Variants in OSBPL3 observed in about 807,000 individuals in gnomAD.
The protein encoded by OSBPL3 is oxysterol binding protein like 3, also known as oxysterol-binding protein-related protein 3.
In OSBPL3, 65 loss-of-function variants were observed where a neutral mutation model predicts 120.1. The ratio of observed to expected loss-of-function variants is 0.54; its 90% confidence interval spans 0.44 to 0.67. The LOEUF (loss-of-function observed/expected upper bound fraction) is 0.67. Among genes scored for constraint, OSBPL3 ranks in the 30% least tolerant of loss-of-function variants. OSBPL3 has a pLI of 0.00. For missense variants in OSBPL3, 1,004 were observed against 1,082.1 expected, an observed-to-expected ratio of 0.93 and a Z score of 1.01; for synonymous variants, 416 against 402.6, an observed-to-expected ratio of 1.03 and a Z score of -0.40.
chr7:24,935,951 T>C (rs978297419), intron 1 of OSBPL3, among the ~76,000 whole-genome samples: 11 of 152,116 alleles, frequency 7.2e-5, no homozygotes, highest in Non-Finnish European at 1.0e-4. Context: ...GTTACATATG[T>C]ATACATGTGC....
rs1376115444 is a variant in OSBPL3, at chr7:24,932,988, C to T, written c.-149-40367G>A. 6.6e-6 allele frequency among the ~76,000 whole-genome samples: 1 copy of T among 152,242 alleles called. No individual in the cohort carries two copies. Among genetic ancestry groups the T allele is most frequent in the Non-Finnish European group, 1.5e-5 (1 of 68,046 alleles). On this transcript the variant is annotated intron_variant, in intron 1 of 22. Coordinates refer to ENST00000313367, the MANE Select transcript of OSBPL3 (RefSeq NM_015550.4). The surrounding 1 kb of genome is among the most constrained non-coding windows in gnomAD (Gnocchi z 5.6). ...ACCGTCTTTCCTCCATATTCAAATTCCACACCGGACCTGATGCTGCTGCAC... is the reference window on the plus strand; with the variant it reads ...ACCGTCTTTCCTCCATATTCAAATTTCACACCGGACCTGATGCTGCTGCAC...
intron 1 of OSBPL3, among the ~76,000 whole-genome samples, chr7:24,944,959 T>C (rs938577793): frequency 1.3e-5 from 2 of 152,192 alleles, no homozygotes; most frequent in African/African-American, 2.4e-5. Context: ...ATAGATTCCA[T>C]GACTAGATTT....
rs1189103853 is a variant in OSBPL3, at chr7:24,877,332, G to A, written c.97-5263C>T. ...AGATAGCTACTGTTTTCCCTATACTGTAATCCCACCAAACAGGGAAGGGAA... is the reference window on the plus strand; with the variant it reads ...AGATAGCTACTGTTTTCCCTATACTATAATCCCACCAAACAGGGAAGGGAA... On this transcript the variant is annotated intron_variant, in intron 2 of 22. Coordinates refer to ENST00000313367, the MANE Select transcript of OSBPL3 (RefSeq NM_015550.4). This position sits in a 1 kb window ranked among gnomAD's most constrained non-coding sequence, Gnocchi z 4.8. Among the ~76,000 whole-genome samples, 1 of 152,156 alleles carries A rather than the reference G, an allele frequency of 6.6e-6. No homozygotes were observed. Among genetic ancestry groups the A allele is most frequent in the East Asian group, 1.9e-4 (1 of 5,202 alleles).
intron 1 of OSBPL3, among the ~76,000 whole-genome samples, chr7:24,969,785 C>T (rs1347700202): frequency 6.6e-6 from 1 of 152,152 alleles, no homozygotes; most frequent in African/African-American, 2.4e-5. Context: ...CATCCCAGTT[C>T]AGGTCTCATC....
At chr7:24,931,853 A>C (rs994108318) in intron 1 of OSBPL3, among the ~76,000 whole-genome samples, 1 of 152,252 alleles carries the variant, frequency 6.6e-6, no homozygotes, top group Non-Finnish European at 1.5e-5. Flanking sequence ...TGCATCAACA[A>C]GACTGATACT....
At chr7:24,866,925 C>T (rs796259919) in intron 5 of OSBPL3, among the ~76,000 whole-genome samples, 3 of 152,130 alleles carry the variant, frequency 2.0e-5, no homozygotes, top group East Asian at 1.9e-4. Context: ...CTCAACCTCC[C>T]GAGTAGCTGG....
At chr7:24,878,055 G>C (rs1225096024) in intron 2 of OSBPL3, among the ~76,000 whole-genome samples, 1 of 152,210 alleles carries the variant, frequency 6.6e-6, no homozygotes, top group African/African-American at 2.4e-5. Flanking sequence ...CTGTTTTACT[G>C]AATGTCTGAA....
chr7:24,942,190 A>C (rs1813181721), intron 1 of OSBPL3, among the ~76,000 whole-genome samples: 2 of 152,170 alleles, frequency 1.3e-5, no homozygotes, highest in Non-Finnish European at 2.9e-5. Flanking sequence ...CTTTATAAGA[A>C]AACAAACGGG....
chr7:24,838,744 C>G (rs1457678821), intron 14 of OSBPL3, among the ~76,000 whole-genome samples: 1 of 152,224 alleles, frequency 6.6e-6, no homozygotes, highest in African/African-American at 2.4e-5. Context: ...TCCTCCTCAT[C>G]TACAGTGGGA....
In OSBPL3 at chr7:24,817,154, A is replaced by G. The variant is rs563774170; in HGVS notation, c.1949-466T>C. The stretch of plus-strand genomic sequence containing the variant: ...TTGTCTGAGGGGACGGAAGTATAGG[A>G]AAACACAGTCAAATAGTGTGGTTCT... On this transcript the variant is annotated intron_variant, in intron 17 of 22. Transcript: ENST00000313367. This position sits in a 1 kb window ranked among gnomAD's most constrained non-coding sequence, Gnocchi z 4.0. Among the ~76,000 whole-genome samples the G allele has an allele frequency of 6.6e-6, 1 of 152,322 alleles. No individual in the cohort carries two copies. Among genetic ancestry groups the G allele is most frequent in the African/African-American group, 2.4e-5 (1 of 41,566 alleles).
chr7:24,839,414 C>T lies in OSBPL3; in HGVS notation c.1495+1276G>A, dbSNP rs115015387. On this transcript the variant is annotated intron_variant, in intron 14 of 22. Transcript: ENST00000313367. ...CAGACACTCCAGATATTCCACAGTTCGAACTAGCATTATGAAATATCTTTC... is the reference window on the plus strand; with the variant it reads ...CAGACACTCCAGATATTCCACAGTTTGAACTAGCATTATGAAATATCTTTC... 3.7e-3 allele frequency among the ~76,000 whole-genome samples: 562 copies of T among 152,278 alleles called. 4 individuals are homozygous for T. Among genetic ancestry groups the T allele is most frequent in the African/African-American group, 0.012 (519 of 41,566 alleles).
rs1328562747 is a variant in OSBPL3 at position 24,913,950 on chromosome 7, G to C, written c.-149-21329C>G. The stretch of plus-strand genomic sequence containing the variant: ...CCTAAGGAGCAGATTCATTACGAAA[G>C]AGTCAAAATCGCAAGCACCATTCAA... On this transcript the variant is annotated intron_variant, in intron 1 of 22. Coordinates refer to ENST00000313367, the MANE Select transcript of OSBPL3 (RefSeq NM_015550.4). This position sits in a 1 kb window ranked among gnomAD's most constrained non-coding sequence, Gnocchi z 5.3. Among the ~76,000 whole-genome samples, 3 of 152,144 alleles carry C rather than the reference G, an allele frequency of 2.0e-5. No individual in the cohort carries two copies. Among genetic ancestry groups the C allele is most frequent in the African/African-American group, 7.2e-5 (3 of 41,428 alleles).
intron 1 of OSBPL3, among the ~76,000 whole-genome samples, chr7:24,904,561 T>G (rs1306470628): frequency 1.3e-5 from 2 of 152,210 alleles, no homozygotes; most frequent in Admixed American, 6.5e-5. Context: ...GCGAATACTT[T>G]GCCATTTTAT....
intron 9 of OSBPL3, 131 bp from the exon 10 acceptor site, chr7:24,861,900 T>TG (rs35090190): frequency 2.6e-4 from 101 of 385,874 alleles, no homozygotes; most frequent in South Asian, 1.3e-3. Context: ...TTTTTTTTTT[T>TG]GGGGGGGATG....
At chr7:24,880,073 A>G (rs1803437106) in intron 2 of OSBPL3, among the ~76,000 whole-genome samples, 1 of 152,172 alleles carries the variant, frequency 6.6e-6, no homozygotes, top group African/African-American at 2.4e-5. Context: ...CATGCAGCCC[A>G]CTGGGGTGGT....
chr7:24,840,672 A>G lies in OSBPL3; in HGVS notation c.1495+18T>C. The G allele has an allele frequency of 9.0e-7, 1 of 1,109,140 alleles. No individual in the cohort carries two copies. The highest frequency in any genetic ancestry group is 1.4e-5 in the South Asian group (1 of 69,640). 68.7% of individuals were successfully genotyped at this position (1,109,140 alleles called of 1,614,324 possible). ...TGAAAATCCAAACTTTTCAGAGATT[A>G]AATAATGTAAATCTTACCCAAGGTC... On this transcript the variant is annotated intron_variant, in intron 14 of 22. Coordinates refer to ENST00000313367, the MANE Select transcript of OSBPL3 (RefSeq NM_015550.4).
intron 12 of OSBPL3, among the ~76,000 whole-genome samples, chr7:24,846,004 T>C (rs1004217621): frequency 1.3e-5 from 2 of 152,198 alleles, no homozygotes; most frequent in Non-Finnish European, 2.9e-5. Flanking sequence ...TAATTAATTA[T>C]AATAATGTAA....
At position 24,968,457 on chromosome 7, in the gene OSBPL3, C is replaced by T. The variant is rs748944797; in HGVS notation, c.-150+11429G>A. Among the ~76,000 whole-genome samples, 1 of 152,134 alleles carries T rather than the reference C, an allele frequency of 6.6e-6. No homozygotes were observed. Among genetic ancestry groups the T allele is most frequent in the Non-Finnish European group, 1.5e-5 (1 of 68,026 alleles). On this transcript the variant is annotated intron_variant, in intron 1 of 22. Transcript: ENST00000313367. The surrounding 1 kb of genome is among the most constrained non-coding windows in gnomAD (Gnocchi z 4.6). Reference sequence around the variant, plus strand: ...TGTCACCCAGACTGGAGTGCAGTGGCGTGATCTTGGCTCACTGCAGCCACT... The same window carrying T: ...TGTCACCCAGACTGGAGTGCAGTGGTGTGATCTTGGCTCACTGCAGCCACT...
In OSBPL3 at chr7:24,830,851, C is replaced by T; in HGVS notation, c.1801G>A (p.Gly601Arg). 6.2e-7 allele frequency: 1 copy of T among 1,613,890 alleles called. No homozygotes were observed. The highest frequency in any genetic ancestry group is 8.5e-7 in the Non-Finnish European group (1 of 1,179,820). ...SAYASSYYRA[G>R]SKPFNPVLGE... ...AGAACCGGATTAAATGGCTTGCTTC[C>T]AGCTCGGTAGTAGCTAGATGCATAC... Residue 601 changes from glycine to arginine, a missense_variant, in exon 16 of 23, where the codon GGA becomes AGA. By Grantham distance (125) the Gly-to-Arg change is moderately radical. Around this residue, in one of 4 missense-constraint regions of OSBPL3, gnomAD observed 473 missense variants for 568.0 expected, o/e 0.83. Coordinates refer to ENST00000313367, the MANE Select transcript of OSBPL3 (RefSeq NM_015550.4). This position sits in a 1 kb window ranked among gnomAD's most constrained non-coding sequence, Gnocchi z 4.4.
Sources: allele counts gnomAD v4.1 joint callset (sites outside exome capture counted in the v4.1 genomes callset), GRCh38; gene constraint gnomAD v4.1.1; regional missense constraint gnomAD v4.1.1; non-coding constraint Gnocchi (gnomAD v3.1); transcripts MANE v1.5; gene names NCBI Gene and HGNC (gene_info 2026-07-23, HGNC 2026-07-21).